RORA: variants seen among roughly 807,000 people sequenced by gnomAD.
The protein encoded by RORA is nuclear receptor ROR-alpha.
A neutral mutation model predicts 69.5 loss-of-function variants in RORA; 7 were observed. The observed-to-expected ratio is 0.10, with a 90% CI of 0.06 to 0.19. The LOEUF (loss-of-function observed/expected upper bound fraction) is 0.19, where lower values mean the gene tolerates loss of function less well. Ranked by LOEUF, RORA falls within the 10% of genes least tolerant of loss-of-function variation. The probability of loss-of-function intolerance (pLI) is 1.00; values close to 1 mark genes in which losing one functional copy is unlikely to be tolerated. For synonymous variants in RORA, 261 were observed against 240.8 expected, an observed-to-expected ratio of 1.08 and a Z score of -0.78; for missense variants, 457 against 663.0, an observed-to-expected ratio of 0.69 and a Z score of 3.41.
intron 1 of RORA, among the ~76,000 whole-genome samples, chr15:60,779,319 G>A (rs1266380487): frequency 1.3e-5 from 2 of 152,166 alleles, no homozygotes; most frequent in Admixed American, 1.3e-4. Context: ...TTTCTGGCCA[G>A]AAAGAATTGC....
chr15:60,736,973 C>T (rs1414144413), intron 1 of RORA: 9 of 152,200 alleles, frequency 5.9e-5, no homozygotes, highest in Non-Finnish European at 5.9e-5. Flanking sequence ...TATTTACCAC[C>T]GCTCCTTACC....
chr15:60,890,225 T>C (rs2073798777), intron 1 of RORA, among the ~76,000 whole-genome samples: 1 of 152,218 alleles, frequency 6.6e-6, no homozygotes, highest in African/African-American at 2.4e-5. Context: ...CCCCCTTATT[T>C]TACATGTGGG....
chr15:61,021,746 A>C (rs539274800), intron 1 of RORA, among the ~76,000 whole-genome samples: 1 of 152,240 alleles, frequency 6.6e-6, no homozygotes, highest in Non-Finnish European at 1.5e-5. Flanking sequence ...AATCCAAAGT[A>C]GGGCATGTCT....
At position 60,511,994 on chromosome 15, in the gene RORA, C is replaced by T. The variant is rs757950597; in HGVS notation, c.425-373G>A. The T allele has an allele frequency of 9.1e-5, 19 of 209,642 alleles. No individual in the cohort carries two copies. Among genetic ancestry groups the T allele is most frequent in the Non-Finnish European group, 1.6e-4 (17 of 103,710 alleles). The allele number at this position is 209,642 out of a possible 1,614,324, so 13.0% of individuals were successfully genotyped here. On this transcript the variant is annotated intron_variant, in intron 4 of 10. Transcript: ENST00000335670. This position sits in a 1 kb window ranked among gnomAD's most constrained non-coding sequence, Gnocchi z 6.4. ...GCTGGCTTAGGCTACCTCTTTCTCT[C>T]CCACGTTCAGACCAAGGCACAGGGA...
chr15:61,015,395 T>C (rs1043081758), intron 1 of RORA, among the ~76,000 whole-genome samples: 19 of 152,180 alleles, frequency 1.2e-4, no homozygotes, highest in African/African-American at 4.6e-4. Context: ...ATTTAAAATA[T>C]ACTGACAAAG....
chr15:60,908,027 C>T (rs909047904), intron 1 of RORA, among the ~76,000 whole-genome samples: 1 of 152,188 alleles, frequency 6.6e-6, no homozygotes, highest in Non-Finnish European at 1.5e-5. Context: ...AGCTCCAATG[C>T]TCGGAACGTC....
intron 1 of RORA, among the ~76,000 whole-genome samples, chr15:60,937,542 T>C (rs1335176310): frequency 6.6e-6 from 1 of 152,214 alleles, no homozygotes; most frequent in Non-Finnish European, 1.5e-5. Context: ...CTGTTTCATA[T>C]GCACTGGGGG....
intron 1 of RORA, among the ~76,000 whole-genome samples, chr15:60,814,879 G>A (rs755299606): frequency 3.9e-5 from 6 of 152,174 alleles, no homozygotes; most frequent in Non-Finnish European, 7.3e-5. Context: ...CTCATCTCCA[G>A]CCCGTCCTCA....
chr15:60,595,484 C>T (rs2068645748), intron 2 of RORA, among the ~76,000 whole-genome samples: 1 of 151,504 alleles, frequency 6.6e-6, no homozygotes, highest in Non-Finnish European at 1.5e-5. Flanking sequence ...CACTGCACTC[C>T]AGCCTGGGCG....
intron 1 of RORA, among the ~76,000 whole-genome samples, chr15:60,744,940 G>C (rs1440501423): frequency 6.6e-6 from 1 of 152,216 alleles, no homozygotes; most frequent in Non-Finnish European, 1.5e-5. Context: ...AAATGGAAAT[G>C]CTGGAGGGCA....
At chr15:61,225,189 T>C (rs1596085303) in intron 1 of RORA, among the ~76,000 whole-genome samples, 1 of 152,208 alleles carries the variant, frequency 6.6e-6, no homozygotes, top group South Asian at 2.1e-4. Flanking sequence ...TTATGAGCAA[T>C]TTACCGGAAA....
chr15:60,529,853 CATTCCTAGATAATCACTTCTGTCA>C (rs887504366), intron 3 of RORA: 2 of 152,182 alleles, frequency 1.3e-5, no homozygotes, highest in African/African-American at 2.4e-5. Context: ...CCCCAGACTC[CATTCCTAGATAATCACTTCTGTCA>C]ATTCCTAGAT....
At chr15:60,880,335 T>C (rs980234002) in intron 1 of RORA, among the ~76,000 whole-genome samples, 13 of 152,222 alleles carry the variant, frequency 8.5e-5, no homozygotes, top group Non-Finnish European at 1.6e-4. Context: ...CTGTCACTTA[T>C]GTAGGTCAAA....
chr15:60,745,029 G>A (rs770608565), intron 1 of RORA, among the ~76,000 whole-genome samples: 8 of 152,192 alleles, frequency 5.3e-5, no homozygotes, highest in South Asian at 2.1e-4. Context: ...GACTTCACCC[G>A]CTGGCTCCCA....
At chr15:60,777,711 C>T (rs1449472653) in intron 1 of RORA, among the ~76,000 whole-genome samples, 3 of 152,122 alleles carry the variant, frequency 2.0e-5, no homozygotes, top group Non-Finnish European at 2.9e-5. Context: ...AAAGAGTCCC[C>T]TCATGCAGCA....
chr15:61,028,420 A>G (rs886134897), intron 1 of RORA, among the ~76,000 whole-genome samples: 3 of 152,116 alleles, frequency 2.0e-5, no homozygotes, highest in African/African-American at 7.2e-5. Flanking sequence ...CTAAATTAGG[A>G]TTCATTCATT....
At chr15:61,052,239 C>T (rs2078024886) in intron 1 of RORA, among the ~76,000 whole-genome samples, 1 of 152,072 alleles carries the variant, frequency 6.6e-6, no homozygotes, top group Non-Finnish European at 1.5e-5. Context: ...AGGGAAAGGC[C>T]TTTTAAGCCT....
intron 2 of RORA, among the ~76,000 whole-genome samples, chr15:60,636,734 T>C (rs1156454730): frequency 1.3e-5 from 2 of 152,146 alleles, no homozygotes; most frequent in African/African-American, 4.8e-5. Flanking sequence ...CATCATATTA[T>C]CTTATTAGCC....
chr15:61,113,500 C>A (rs2079024973), intron 1 of RORA, among the ~76,000 whole-genome samples: 1 of 152,178 alleles, frequency 6.6e-6, no homozygotes, highest in Admixed American at 6.5e-5. Context: ...CAAAGTAACT[C>A]CTGTGGCCCT....
Sources: gnomAD v4.1 joint callset for allele counts (sites outside exome capture counted in the v4.1 genomes callset) on GRCh38, gnomAD v4.1.1 for gene constraint, Gnocchi (gnomAD v3.1) non-coding constraint, MANE v1.5 for transcripts, NCBI Gene and HGNC (gene_info 2026-07-23, HGNC 2026-07-21) for gene names.